Variants in CDC14B observed in about 807,000 individuals in gnomAD.
CDC14B encodes the protein cell division cycle 14B, also known as dual specificity protein phosphatase CDC14B.
Under a neutral mutation model 64.2 loss-of-function variants are expected in CDC14B, and 22 were observed. That is an observed-to-expected ratio of 0.34 (90% CI 0.24 to 0.49). CDC14B has a LOEUF of 0.49. Ranked by LOEUF, CDC14B falls within the 20% of genes least tolerant of loss-of-function variation. The pLI is 0.99. For missense variants in CDC14B, 498 were observed against 629.9 expected (o/e 0.79, Z 2.24); for synonymous variants, 191 against 215.8 (o/e 0.89, Z 1.01).
chr9:96,618,053 C>T (rs1847748712), intron 1 of CDC14B, among the ~76,000 whole-genome samples: 1 of 152,200 alleles, frequency 6.6e-6, no homozygotes, highest in Non-Finnish European at 1.5e-5. Flanking sequence ...CGCTCTGGTT[C>T]CCAAGGGCCA....
intron 12 of CDC14B, among the ~76,000 whole-genome samples, chr9:96,517,536 C>T (rs1407382450): frequency 3.6e-5 from 5 of 140,158 alleles, no homozygotes; most frequent in South Asian, 2.3e-4. Context: ...CCACGCTACT[C>T]GGGAGGCTGA....
intron 5 of CDC14B, among the ~76,000 whole-genome samples, chr9:96,547,234 G>T (rs1237685262): frequency 6.6e-6 from 1 of 151,986 alleles, no homozygotes; most frequent in Non-Finnish European, 1.5e-5. Context: ...GGAAGCCGAG[G>T]CTGGTGGATC....
In CDC14B at chr9:96,515,570, AG is replaced by A; in HGVS notation, c.1344-5782del. On this transcript the variant is annotated intron_variant, in intron 12 of 13. Coordinates refer to ENST00000375241, the MANE Select transcript of CDC14B (RefSeq NM_033331.4). This position sits in a 1 kb window ranked among gnomAD's most constrained non-coding sequence, Gnocchi z 4.3. Reference sequence around the variant, plus strand: ...AAACCAACAAAGCTAGGAGCTGACAAGGAGAAAAACATGCATTGTGGGAACC... The same window carrying A: ...AAACCAACAAAGCTAGGAGCTGACAAGAGAAAAACATGCATTGTGGGAACC... 2.2e-6 allele frequency: 3 copies of A among 1,346,858 alleles called. No individual in the cohort carries two copies. Among genetic ancestry groups the A allele is most frequent in the Non-Finnish European group, 2.9e-6 (3 of 1,018,252 alleles). 83.4% of individuals were successfully genotyped at this position (1,346,858 alleles called of 1,614,324 possible).
rs369325680 is a variant in CDC14B, at chr9:96,560,759, C to CTTTTTT, written c.420+1928_420+1933dup. 4.5e-4 allele frequency among the ~76,000 whole-genome samples: 59 copies of CTTTTTT among 132,482 alleles called. 1 individual carries two copies. Among genetic ancestry groups the CTTTTTT allele is most frequent in the African/African-American group, 1.6e-3 (59 of 35,972 alleles). The allele number at this position is 132,482 out of a possible 152,430, so 86.9% of individuals were successfully genotyped here. On this transcript the variant is annotated intron_variant, in intron 4 of 13. Coordinates refer to ENST00000375241, the MANE Select transcript of CDC14B (RefSeq NM_033331.4). ...CACCACGCCTGCCAAACTACTCAAA[C>CTTTTTT]TTTTTTTTTTTTTTTTAAGGCTTTT... is the stretch of plus-strand genomic sequence containing the variant.
Position 96,619,245 on chromosome 9 carries a change from TG to T in CDC14B, c.133del (p.Gln45ArgfsTer32), listed in dbSNP as rs1436906674. 6.6e-6 allele frequency: 9 copies of T among 1,356,760 alleles called. No homozygotes were observed. Among genetic ancestry groups the T allele is most frequent in the Middle Eastern group, 2.5e-4 (1 of 4,030 alleles). 84.0% of individuals were successfully genotyped at this position (1,356,760 alleles called of 1,614,324 possible). ...GGTGATGTCCAGGTACACGTCGTCC[TG>T]GGGGTCCCGGCGGCGCGGGTCTTGC... ...TQQDPRRRDPQDDVYLDITDR... is the reference protein window; with the variant it reads ...TQQDPRRRDPXDDVYLDITDR... On this transcript the variant is annotated frameshift_variant, in exon 1 of 14. Transcript: ENST00000375241.
chr9:96,604,675 C>T (rs1274611025), intron 1 of CDC14B, among the ~76,000 whole-genome samples: 4 of 149,804 alleles, frequency 2.7e-5, no homozygotes, highest in East Asian at 2.0e-4. Context: ...TTGCGGGGGG[C>T]GGGGCAGGAG....
intron 7 of CDC14B, 27 bp from the exon 8 acceptor site, chr9:96,534,569 G>A (rs201264971): frequency 2.7e-5 from 39 of 1,452,774 alleles, no homozygotes; most frequent in East Asian, 4.5e-5. Context: ...AGCACAATTC[G>A]TTTTTAAATG....
chr9:96,511,211 A>G (rs1009744575), intron 12 of CDC14B, among the ~76,000 whole-genome samples: 2 of 152,178 alleles, frequency 1.3e-5, no homozygotes, highest in Non-Finnish European at 2.9e-5. Context: ...AAATTTCTAC[A>G]ACCTTAGCAT....
At chr9:96,581,100 C>T (rs559032055) in intron 1 of CDC14B, among the ~76,000 whole-genome samples, 1 of 152,008 alleles carries the variant, frequency 6.6e-6, no homozygotes, top group East Asian at 1.9e-4. Context: ...CATGGTGGCG[C>T]GCGCCTGTAA....
At chr9:96,521,936 AAC>A (rs1033371831) in intron 12 of CDC14B, among the ~76,000 whole-genome samples, 1 of 152,224 alleles carries the variant, frequency 6.6e-6, no homozygotes, top group African/African-American at 2.4e-5. Flanking sequence ...AATCCCAACT[AAC>A]ACACATTCAC....
At chr9:96,571,895 G>C (rs1844500827) in intron 1 of CDC14B, among the ~76,000 whole-genome samples, 2 of 152,172 alleles carry the variant, frequency 1.3e-5, no homozygotes, top group South Asian at 4.1e-4. Context: ...TGCCCAGAGA[G>C]GCTGGAAGAA....
intron 5 of CDC14B, among the ~76,000 whole-genome samples, chr9:96,550,427 A>G (rs1841634778): frequency 1.3e-5 from 2 of 152,210 alleles, no homozygotes; most frequent in Non-Finnish European, 2.9e-5. Context: ...TTTGAAAGGG[A>G]GATTCTGCCA....
chr9:96,608,886 A>AAC, intron 1 of CDC14B, among the ~76,000 whole-genome samples: 1 of 78,190 alleles, frequency 1.3e-5, no homozygotes, highest in Non-Finnish European at 2.4e-5. Context: ...TAAAGGTTAA[A>AAC]ACACAGACAC....
intron 13 of CDC14B, 43 bp from the exon 14 acceptor site, chr9:96,503,832 A>G (rs768933710): frequency 6.6e-7 from 1 of 1,503,986 alleles, no homozygotes; most frequent in Admixed American, 1.7e-5. Context: ...AAGTTTACAC[A>G]GCGTCCACAG....
chr9:96,497,929 C>T (rs1416627182), downstream of CDC14B, among the ~76,000 whole-genome samples: 1 of 152,134 alleles, frequency 6.6e-6, no homozygotes, highest in Non-Finnish European at 1.5e-5. Context: ...TTGTACCAAG[C>T]TGCTTTTTCA....
chr9:96,530,454 T>C (rs4743011), intron 9 of CDC14B, among the ~76,000 whole-genome samples: 3 of 145,348 alleles, frequency 2.1e-5, no homozygotes, highest in Middle Eastern at 3.5e-3. Flanking sequence ...TTTTTTTTGG[T>C]ATTTTAGTAG....
chr9:96,517,304 T>C (rs1253350153), intron 12 of CDC14B, among the ~76,000 whole-genome samples: 1 of 151,034 alleles, frequency 6.6e-6, no homozygotes, highest in Non-Finnish European at 1.5e-5. Flanking sequence ...ATCATGCCAC[T>C]GCACTCTAGC....
rs1838896444 is a variant in CDC14B, at chr9:96,533,918, G to A, written c.946+9C>T. The A allele has an allele frequency of 6.3e-7, 1 of 1,578,452 alleles. No individual in the cohort carries two copies. Among genetic ancestry groups the A allele is most frequent in the Admixed American group, 1.7e-5 (1 of 58,032 alleles). ...GTATACTATTCTTTAACCACCCCTAGAAACATACCTTTGCAATGTACTGCA... is the reference window on the plus strand; with the variant it reads ...GTATACTATTCTTTAACCACCCCTAAAAACATACCTTTGCAATGTACTGCA... On this transcript the variant is annotated intron_variant, in intron 9 of 13. Coordinates refer to ENST00000375241, the MANE Select transcript of CDC14B (RefSeq NM_033331.4).
chr9:96,600,652 G>GC (rs1846376445), intron 1 of CDC14B, among the ~76,000 whole-genome samples: 1 of 151,946 alleles, frequency 6.6e-6, no homozygotes, highest in African/African-American at 2.4e-5. Context: ...ACAGGTGTGC[G>GC]CCACCAAGCC....
Sources: gnomAD v4.1 joint callset for allele counts (sites outside exome capture counted in the v4.1 genomes callset) on GRCh38, gnomAD v4.1.1 for gene constraint, Gnocchi (gnomAD v3.1) non-coding constraint, MANE v1.5 for transcripts, NCBI Gene and HGNC (gene_info 2026-07-23, HGNC 2026-07-21) for gene names.